MLLT10: variants seen among roughly 807,000 people sequenced by gnomAD.
MLLT10 encodes the protein MLLT10 histone lysine methyltransferase DOT1L cofactor.
Under a neutral mutation model 129.1 loss-of-function variants are expected in MLLT10, and 30 were observed. The ratio of observed to expected loss-of-function variants is 0.23; its 90% confidence interval spans 0.17 to 0.32. MLLT10 has a LOEUF of 0.32. Among genes scored for constraint, MLLT10 ranks in the 10% least tolerant of loss-of-function variants. The probability of loss-of-function intolerance (pLI) is 1.00; values close to 1 mark genes in which losing one functional copy is unlikely to be tolerated. For missense variants in MLLT10, 1,119 were observed against 1,268.3 expected (o/e 0.88, Z 1.79); for synonymous variants, 490 against 446.4 (o/e 1.10, Z -1.23).
chr10:21,702,428 G>A (rs2055018432), intron 13 of MLLT10, among the ~76,000 whole-genome samples: 1 of 152,176 alleles, frequency 6.6e-6, no homozygotes, highest in Non-Finnish European at 1.5e-5. Flanking sequence ...TTTTGTAAAT[G>A]TCTGTTAGGT....
chr10:21,669,179 T>A (rs1173839361), intron 9 of MLLT10: 2 of 860,624 alleles, frequency 2.3e-6, no homozygotes, highest in South Asian at 2.1e-5. Context: ...AATAGTGGAG[T>A]ACTTTGTTTT....
chr10:21,581,698 T>C (rs2041477843), intron 3 of MLLT10, among the ~76,000 whole-genome samples: 1 of 152,226 alleles, frequency 6.6e-6, no homozygotes. Flanking sequence ...TTTTTTCCTA[T>C]GTACACATTC....
intron 3 of MLLT10, among the ~76,000 whole-genome samples, chr10:21,580,472 T>G (rs1276309636): frequency 6.7e-6 from 1 of 150,194 alleles, no homozygotes; most frequent in African/African-American, 2.4e-5. Flanking sequence ...CACTGCAACC[T>G]CTGTCTCCTG....
chr10:21,573,421 T>A (rs1217038772), intron 3 of MLLT10, among the ~76,000 whole-genome samples: 2 of 152,166 alleles, frequency 1.3e-5, no homozygotes, highest in African/African-American at 4.8e-5. Context: ...CCATGGAGAA[T>A]ACACAGCTGA....
Position 21,733,915 on chromosome 10 carries a change from A to G in MLLT10, c.2644A>G (p.Met882Val). 6.2e-7 allele frequency: 1 copy of G among 1,614,196 alleles called. No homozygotes were observed. The highest frequency in any genetic ancestry group is 8.5e-7 in the Non-Finnish European group (1 of 1,180,042). The change falls in exon 20 of 23, where the codon ATG (methionine) becomes GTG (valine). Residue 882 changes from methionine to valine, a missense_variant. Coordinates refer to ENST00000307729, the MANE Select transcript of MLLT10 (RefSeq NM_001195626.3). ...GVTVGALASG[M>V]QPVTSTIPAV... ...GACAGTGGGGGCACTAGCTAGTGGA[A>G]TGCAGCCTGTAACTTCCACCATTCC... is the stretch of plus-strand genomic sequence containing the variant.
At chr10:21,547,879 T>G (rs1723282078) in intron 3 of MLLT10, among the ~76,000 whole-genome samples, 1 of 152,190 alleles carries the variant, frequency 6.6e-6, no homozygotes, top group Non-Finnish European at 1.5e-5. Flanking sequence ...AAAAAAATAG[T>G]TATTTATAAT....
Position 21,673,528 on chromosome 10 carries a change from G to C in MLLT10, c.1230G>C (p.Gly410=), listed in dbSNP as rs202036234. 4.1e-4 allele frequency: 668 copies of C among 1,613,402 alleles called. No individual in the cohort carries two copies. Among genetic ancestry groups the C allele is most frequent in the Admixed American group, 8.5e-4 (51 of 59,892 alleles). Residue 410 remains glycine, a synonymous_variant, in exon 11 of 23, where the codon GGG becomes GGC. Transcript: ENST00000307729. ...HKGESGSQEG[G]VNSFSTLIGL... is the part of the protein sequence containing the mutation. ...GAGAGTCTGGAAGCCAGGAAGGGGG[G>C]GTAAATAGTTTTAGTACCTTAATTG... is the stretch of plus-strand genomic sequence containing the variant.
intron 5 of MLLT10, among the ~76,000 whole-genome samples, chr10:21,603,225 T>A (rs1432609812): frequency 6.7e-6 from 1 of 149,994 alleles, no homozygotes; most frequent in Non-Finnish European, 1.5e-5. Flanking sequence ...GCTAATTTTT[T>A]TTTTTTTTTT....
At chr10:21,546,956 C>T (rs2036183073) in intron 3 of MLLT10, among the ~76,000 whole-genome samples, 1 of 152,142 alleles carries the variant, frequency 6.6e-6, no homozygotes, top group Non-Finnish European at 1.5e-5. Context: ...CTCCCGACCT[C>T]AGGTGATCCA....
chr10:21,571,331 C>T (rs2040181922), intron 3 of MLLT10, among the ~76,000 whole-genome samples: 1 of 151,856 alleles, frequency 6.6e-6, no homozygotes, highest in South Asian at 2.1e-4. Context: ...CTCTCTCTCT[C>T]CAGCTCTCTA....
intron 5 of MLLT10, among the ~76,000 whole-genome samples, chr10:21,608,838 G>T (rs1463395645): frequency 6.6e-6 from 1 of 151,988 alleles, no homozygotes; most frequent in Non-Finnish European, 1.5e-5. Context: ...TTTGTTTGAG[G>T]TCTTTGTCTC....
chr10:21,712,081 A>G lies in MLLT10; in HGVS notation c.1700-1691A>G, dbSNP rs140690259. On this transcript the variant is annotated intron_variant, in intron 13 of 22. Coordinates refer to ENST00000307729, the MANE Select transcript of MLLT10 (RefSeq NM_001195626.3). ...TCATTTTTCTGGAGAAATTGTAGATATAAAAAAGATCCCGACGCCTTAATT... is the reference window on the plus strand; with the variant it reads ...TCATTTTTCTGGAGAAATTGTAGATGTAAAAAAGATCCCGACGCCTTAATT... Among the ~76,000 whole-genome samples, 722 of 152,360 alleles carry G rather than the reference A, an allele frequency of 4.7e-3. 3 individuals carry two copies. Among genetic ancestry groups the G allele is most frequent in the African/African-American group, 0.017 (688 of 41,582 alleles).
intron 21 of MLLT10, among the ~76,000 whole-genome samples, chr10:21,737,759 A>G (rs2058493356): frequency 6.6e-6 from 1 of 152,120 alleles, no homozygotes; most frequent in African/African-American, 2.4e-5. Context: ...GGCTTCCTCC[A>G]GACCCATTTC....
At chr10:21,664,658 G>C (rs957243739) in intron 9 of MLLT10, among the ~76,000 whole-genome samples, 1 of 151,986 alleles carries the variant, frequency 6.6e-6, no homozygotes, top group Non-Finnish European at 1.5e-5. Context: ...TGTCCATTAG[G>C]TCAAGTTGAT....
chr10:21,566,142 A>T (rs1381583906), intron 3 of MLLT10, among the ~76,000 whole-genome samples: 1 of 151,336 alleles, frequency 6.6e-6, no homozygotes, highest in Admixed American at 6.6e-5. Context: ...TTTAGTAGAG[A>T]TGGGTTTTCA....
intron 8 of MLLT10, among the ~76,000 whole-genome samples, chr10:21,639,347 C>T (rs2047762198): frequency 6.6e-6 from 1 of 152,170 alleles, no homozygotes; most frequent in Non-Finnish European, 1.5e-5. Context: ...AGGACTGAGC[C>T]TCACTTTTGA....
chr10:21,705,511 G>A (rs140237350), intron 13 of MLLT10, among the ~76,000 whole-genome samples: 26 of 152,258 alleles, frequency 1.7e-4, no homozygotes, highest in African/African-American at 6.0e-4. Flanking sequence ...TCAGGTAGCC[G>A]GGGCAGCATT....
chr10:21,561,884 C>T (rs2038856915), intron 3 of MLLT10, among the ~76,000 whole-genome samples: 6 of 151,772 alleles, frequency 4.0e-5, no homozygotes, highest in Admixed American at 3.9e-4. Flanking sequence ...TGGCTCACTG[C>T]AACCTCTGCC....
chr10:21,685,307 T>C (rs1358653651), intron 13 of MLLT10, among the ~76,000 whole-genome samples: 11 of 152,074 alleles, frequency 7.2e-5, no homozygotes, highest in Admixed American at 7.2e-4. Flanking sequence ...TCTGGAAAAA[T>C]TAATACAAGT....
Sources: gnomAD v4.1 joint callset for allele counts (sites outside exome capture counted in the v4.1 genomes callset) on GRCh38, gnomAD v4.1.1 for gene constraint, MANE v1.5 for transcripts, NCBI Gene and HGNC (gene_info 2026-07-23, HGNC 2026-07-21) for gene names.